The following TMEM132D variants were observed in gnomAD, a reference collection of about 807,000 sequenced individuals.
TMEM132D encodes the protein mature OL transmembrane protein.
Under a neutral mutation model 62.3 loss-of-function variants are expected in TMEM132D, and 21 were observed. That is an observed-to-expected ratio of 0.34 (90% CI 0.24 to 0.49). The LOEUF (loss-of-function observed/expected upper bound fraction) is 0.49. TMEM132D is among the 20% of genes least tolerant of loss of function. The pLI is 0.99. For missense variants in TMEM132D, 1,346 were observed against 1,402.8 expected, an observed-to-expected ratio of 0.96 and a Z score of 0.65; for synonymous variants, 621 against 575.6, an observed-to-expected ratio of 1.08 and a Z score of -1.13.
intron 1 of TMEM132D, among the ~76,000 whole-genome samples, chr12:129,731,422 C>T (rs1869233142): frequency 6.6e-6 from 1 of 152,206 alleles, no homozygotes; most frequent in East Asian, 1.9e-4. Context: ...GAAGAGGATG[C>T]TATTTTCTCC....
At chr12:129,567,923 T>G (rs1454136548) in intron 2 of TMEM132D, among the ~76,000 whole-genome samples, 1 of 152,164 alleles carries the variant, frequency 6.6e-6, no homozygotes, top group African/African-American at 2.4e-5. Context: ...AATCAGCATA[T>G]CTCCCATATG....
rs869041495 is a variant in TMEM132D, at chr12:129,450,750, C to CTTTTTT, written c.1115+80303_1115+80308dup. Among the ~76,000 whole-genome samples, 30 of 102,570 alleles carry CTTTTTT rather than the reference C, an allele frequency of 2.9e-4. 1 individual carries two copies. The highest frequency in any genetic ancestry group is 8.2e-4 in the African/African-American group (21 of 25,630). 67.3% of individuals were successfully genotyped at this position (102,570 alleles called of 152,430 possible). ...CAGCAACCAAAAGTTTCCATCGCTT[C>CTTTTTT]TTTTTTTTTTTTTTTTTTTTTTTTG... On this transcript the variant is annotated intron_variant, in intron 3 of 8. Transcript: ENST00000422113.
At chr12:129,718,688 T>C (rs1318556754) in intron 1 of TMEM132D, among the ~76,000 whole-genome samples, 2 of 152,146 alleles carry the variant, frequency 1.3e-5, no homozygotes, top group East Asian at 3.9e-4. Context: ...TTATCCTCAT[T>C]TTATAGGTTA....
chr12:129,514,082 G>A lies in TMEM132D; in HGVS notation c.1115+16977C>T, dbSNP rs567438382. On this transcript the variant is annotated intron_variant, in intron 3 of 8. Coordinates refer to ENST00000422113, the MANE Select transcript of TMEM132D (RefSeq NM_133448.3). ...TCTCGATCCCCTGACCTTGTGATCC[G>A]CCCGCCTCGGCCTCCCAAAGTGCTG... Among the ~76,000 whole-genome samples the A allele has an allele frequency of 3.1e-3, 470 of 150,854 alleles. 3 individuals carry two copies. The highest frequency in any genetic ancestry group is 0.011 in the African/African-American group (442 of 41,032).
intron 1 of TMEM132D, among the ~76,000 whole-genome samples, chr12:129,829,260 A>G (rs1386976505): frequency 6.6e-6 from 1 of 152,166 alleles, no homozygotes; most frequent in Admixed American, 6.5e-5. Context: ...TGGTTATTAT[A>G]GAGTTCAGTG....
At chr12:129,382,174 T>C (rs2135687842) in intron 3 of TMEM132D, among the ~76,000 whole-genome samples, 1 of 152,364 alleles carries the variant, frequency 6.6e-6, no homozygotes, top group Non-Finnish European at 1.5e-5. Context: ...CTCTCACTTC[T>C]ATCTGGTAAC....
chr12:129,472,115 T>C (rs1027074546), intron 3 of TMEM132D, among the ~76,000 whole-genome samples: 4 of 152,166 alleles, frequency 2.6e-5, no homozygotes, highest in African/African-American at 9.7e-5. Flanking sequence ...GAACTACAGA[T>C]TTGCCATGGA....
rs113690339 is a variant in TMEM132D, at chr12:129,623,723, A to G, written c.968+76087T>C. Among the ~76,000 whole-genome samples, 429 of 119,486 alleles carry G rather than the reference A, an allele frequency of 3.6e-3. 1 individual carries two copies. The highest frequency in any genetic ancestry group is 0.013 in the African/African-American group (402 of 30,780). The allele number at this position is 119,486 out of a possible 152,430, so 78.4% of individuals were successfully genotyped here. On this transcript the variant is annotated intron_variant, in intron 2 of 8. Coordinates refer to ENST00000422113, the MANE Select transcript of TMEM132D (RefSeq NM_133448.3). ...TATATACATACATATGCATATATAT[A>G]CATACATATATACATATATATACAC... is the stretch of plus-strand genomic sequence containing the variant.
At chr12:129,323,333 T>C (rs992104504) in intron 4 of TMEM132D, among the ~76,000 whole-genome samples, 1 of 152,174 alleles carries the variant, frequency 6.6e-6, no homozygotes, top group African/African-American at 2.4e-5. Flanking sequence ...ATCGTTTCAT[T>C]AGAGAAATTG....
At chr12:129,407,147 T>C (rs992661343) in intron 3 of TMEM132D, among the ~76,000 whole-genome samples, 8 of 152,248 alleles carry the variant, frequency 5.3e-5, no homozygotes, top group East Asian at 1.9e-4. Context: ...ATTATTAAAT[T>C]AGCTTGCTTC....
At chr12:129,364,350 T>C (rs1211116458) in intron 3 of TMEM132D, among the ~76,000 whole-genome samples, 1 of 152,188 alleles carries the variant, frequency 6.6e-6, no homozygotes, top group Non-Finnish European at 1.5e-5. Context: ...ATCATTCACG[T>C]AGTTCATGTG....
chr12:129,513,942 A>G (rs1362031304), intron 3 of TMEM132D, among the ~76,000 whole-genome samples: 1 of 150,292 alleles, frequency 6.7e-6, no homozygotes, highest in South Asian at 2.1e-4. Context: ...GGTTTGTGCC[A>G]TTCTCCTGCC....
At chr12:129,364,190 G>A (rs1411392142) in intron 3 of TMEM132D, among the ~76,000 whole-genome samples, 2 of 152,198 alleles carry the variant, frequency 1.3e-5, no homozygotes, top group African/African-American at 2.4e-5. Context: ...ATAGAATCCC[G>A]ATATGGTATT....
At chr12:129,747,694 GAC>G (rs1478641161) in intron 1 of TMEM132D, among the ~76,000 whole-genome samples, 1 of 143,646 alleles carries the variant, frequency 7.0e-6, no homozygotes, top group Non-Finnish European at 1.5e-5. Flanking sequence ...CATGCACTCA[GAC>G]ACACTCAACA....
chr12:129,727,979 T>C (rs921276721), intron 1 of TMEM132D, among the ~76,000 whole-genome samples: 4 of 152,228 alleles, frequency 2.6e-5, no homozygotes, highest in Admixed American at 2.0e-4. Context: ...CGTTCTTTTC[T>C]GATCACCGGC....
At chr12:129,281,459 G>A (rs1881149991) in intron 4 of TMEM132D, among the ~76,000 whole-genome samples, 1 of 151,510 alleles carries the variant, frequency 6.6e-6, no homozygotes. Context: ...TGAGAAGTCT[G>A]CTGAGCAGAG....
intron 3 of TMEM132D, among the ~76,000 whole-genome samples, chr12:129,403,326 T>C (rs1178246602): frequency 6.7e-6 from 1 of 149,090 alleles, no homozygotes; most frequent in African/African-American, 2.5e-5. Context: ...ATGTCTCACT[T>C]AGGAGAATTT....
At chr12:129,573,590 A>C (rs1877578460) in intron 2 of TMEM132D, among the ~76,000 whole-genome samples, 1 of 152,174 alleles carries the variant, frequency 6.6e-6, no homozygotes, top group Non-Finnish European at 1.5e-5. Flanking sequence ...TTTAAAATAC[A>C]ATTGTGGATC....
intron 1 of TMEM132D, among the ~76,000 whole-genome samples, chr12:129,789,789 A>G (rs1004389877): frequency 3.9e-5 from 6 of 152,216 alleles, no homozygotes; most frequent in African/African-American, 1.4e-4. Context: ...TTCACCCTTT[A>G]GCGACACCAT....
Sources: allele counts gnomAD v4.1 joint callset (sites outside exome capture counted in the v4.1 genomes callset), GRCh38; gene constraint gnomAD v4.1.1; transcripts MANE v1.5; gene names NCBI Gene and HGNC (gene_info 2026-07-23, HGNC 2026-07-21).